The following CCDC192 variants were observed in gnomAD, a reference collection of about 807,000 sequenced individuals.
CCDC192 encodes coiled-coil domain-containing protein 192.
chr5:127,914,153 A>G, intron 6 of CCDC192, among the ~76,000 whole-genome samples: 1 of 152,354 alleles, frequency 6.6e-6, no homozygotes, highest in East Asian at 1.9e-4. Context: ...TCATGGAGAA[A>G]ATAAGGCTCA....
At chr5:127,722,042 T>G (rs1385740667) in intron 2 of CCDC192, among the ~76,000 whole-genome samples, 1 of 152,232 alleles carries the variant, frequency 6.6e-6, no homozygotes, top group African/African-American at 2.4e-5. Context: ...ACCTCCATAC[T>G]GTTCTTTATA....
At chr5:127,724,157 G>A (rs1381575194) in intron 2 of CCDC192, among the ~76,000 whole-genome samples, 1 of 152,098 alleles carries the variant, frequency 6.6e-6, no homozygotes. Context: ...CATTTAAGAA[G>A]TATTTCCAAA....
Position 127,706,927 on chromosome 5 carries a change from CTG to C in CCDC192, c.63-781_63-780del, listed in dbSNP as rs911226319. On this transcript the variant is annotated intron_variant, in intron 1 of 6. Transcript: ENST00000514853. ...AGGATGAGTAAGCCAAGTGGATAGACTGAAAGTATCCAGGGCCCTTGGATGTG... is the reference window on the plus strand; with the variant it reads ...AGGATGAGTAAGCCAAGTGGATAGACAAAGTATCCAGGGCCCTTGGATGTG... Among the ~76,000 whole-genome samples, 35 of 152,120 alleles carry C rather than the reference CTG, an allele frequency of 2.3e-4. 1 individual carries two copies. The highest frequency in any genetic ancestry group is 1.3e-4 in the Non-Finnish European group (9 of 68,020).
chr5:127,839,396 AGTAT>A (rs1401976318), intron 5 of CCDC192, among the ~76,000 whole-genome samples: 1 of 152,226 alleles, frequency 6.6e-6, no homozygotes, highest in Non-Finnish European at 1.5e-5. Flanking sequence ...AATGTTATAA[AGTAT>A]GTTTTAATGT....
chr5:127,940,463 A>G (rs1421593672), intron 6 of CCDC192: 1 of 151,854 alleles, frequency 6.6e-6, no homozygotes, highest in South Asian at 2.1e-4. Context: ...TTATTTATTT[A>G]TTTATACACA....
At chr5:127,814,381 C>A (rs902006445) in intron 5 of CCDC192, among the ~76,000 whole-genome samples, 1 of 152,164 alleles carries the variant, frequency 6.6e-6, no homozygotes, top group Non-Finnish European at 1.5e-5. Flanking sequence ...CTCTTTCCCG[C>A]ATAAAACACA....
intron 5 of CCDC192, among the ~76,000 whole-genome samples, chr5:127,862,307 A>G (rs1751403357): frequency 6.6e-6 from 1 of 152,194 alleles, no homozygotes; most frequent in African/African-American, 2.4e-5. Context: ...CCCATCTGCA[A>G]CATTCTGGAG....
intron 5 of CCDC192, among the ~76,000 whole-genome samples, chr5:127,853,653 A>T (rs1750909274): frequency 6.6e-6 from 1 of 152,126 alleles, no homozygotes. Context: ...GGCACCTGTA[A>T]TCCCAGCTAC....
intron 3 of CCDC192, among the ~76,000 whole-genome samples, chr5:127,794,065 G>A (rs1049727397): frequency 6.6e-6 from 1 of 152,144 alleles, no homozygotes; most frequent in Admixed American, 6.5e-5. Context: ...TAGCATTCGC[G>A]TCTGGTCGGT....
chr5:127,926,572 A>G (rs1467610478), intron 6 of CCDC192, among the ~76,000 whole-genome samples: 1 of 152,232 alleles, frequency 6.6e-6, no homozygotes, highest in African/African-American at 2.4e-5. Flanking sequence ...AGAAGTCTAA[A>G]TCAACAGAAC....
intron 3 of CCDC192, among the ~76,000 whole-genome samples, chr5:127,758,844 T>C (rs563813324): frequency 6.8e-4 from 103 of 152,348 alleles, no homozygotes; most frequent in South Asian, 2.3e-3. Flanking sequence ...AAAGGGACTC[T>C]GGTGGACTGC....
At chr5:127,819,245 C>T (rs960966523) in intron 5 of CCDC192, among the ~76,000 whole-genome samples, 38 of 152,156 alleles carry the variant, frequency 2.5e-4, no homozygotes, top group African/African-American at 7.7e-4. Context: ...GCGCTAACAA[C>T]GACTTTCCCT....
chr5:127,926,452 A>G (rs946675951), intron 6 of CCDC192, among the ~76,000 whole-genome samples: 1 of 152,192 alleles, frequency 6.6e-6, no homozygotes, highest in African/African-American at 2.4e-5. Context: ...GAGATTGAGA[A>G]CGTATTTTGT....
Position 127,830,831 on chromosome 5 carries a change from A to C in CCDC192, c.411+32669A>C, listed in dbSNP as rs57005357. On this transcript the variant is annotated intron_variant, in intron 5 of 6. Transcript: ENST00000514853. ...TTATAATCTACAAATGAACTAAAAA[A>C]CGAATAAAACTACTCTTCTTTATGA... Among the ~76,000 whole-genome samples, 702 of 152,270 alleles carry C rather than the reference A, an allele frequency of 4.6e-3. 4 individuals carry two copies. The highest frequency in any genetic ancestry group is 0.016 in the African/African-American group (661 of 41,558).
rs547879040 is a variant in CCDC192 at position 127,793,844 on chromosome 5, C to T, written c.223-3259C>T. On this transcript the variant is annotated intron_variant, in intron 3 of 6. Coordinates refer to ENST00000514853, the MANE Select transcript of CCDC192 (RefSeq NM_001317938.2). Reference sequence around the variant, plus strand: ...GAATCTTAGAACCAAACAGCATATCCGTAGAATACTTTTGGCAACAGGTAA... The same window carrying T: ...GAATCTTAGAACCAAACAGCATATCTGTAGAATACTTTTGGCAACAGGTAA... Among the ~76,000 whole-genome samples, 102 of 152,212 alleles carry T rather than the reference C, an allele frequency of 6.7e-4. 1 individual carries two copies. The highest frequency in any genetic ancestry group is 6.2e-3 in the Admixed American group (94 of 15,282).
chr5:127,931,086 G>A (rs1353185274), intron 6 of CCDC192, among the ~76,000 whole-genome samples: 2 of 152,168 alleles, frequency 1.3e-5, no homozygotes, highest in Non-Finnish European at 2.9e-5. Flanking sequence ...AGGAGTGGGG[G>A]ATTCACTTCC....
chr5:127,938,069 C>G (rs573528290), intron 6 of CCDC192, among the ~76,000 whole-genome samples: 44 of 152,196 alleles, frequency 2.9e-4, no homozygotes, highest in African/African-American at 9.2e-4. Context: ...AGCATCTTCC[C>G]TGGCCACTTT....
chr5:127,838,842 C>T (rs931768415), intron 5 of CCDC192, among the ~76,000 whole-genome samples: 4 of 152,196 alleles, frequency 2.6e-5, no homozygotes, highest in Non-Finnish European at 4.4e-5. Flanking sequence ...GTAGTCTGTA[C>T]TTCAGTGGTG....
intron 1 of CCDC192, among the ~76,000 whole-genome samples, chr5:127,706,050 A>G: frequency 7.0e-6 from 1 of 143,020 alleles, no homozygotes; most frequent in South Asian, 2.1e-4. Flanking sequence ...CCTTCCACTA[A>G]GTGAGAACTT....
Sources: allele counts gnomAD v4.1 joint callset (sites outside exome capture counted in the v4.1 genomes callset), GRCh38; gene constraint gnomAD v4.1.1; transcripts MANE v1.5; gene names NCBI Gene and HGNC (gene_info 2026-07-23, HGNC 2026-07-21).